NLRP1: variants seen among roughly 807,000 people sequenced by gnomAD.
NLRP1 encodes the protein NACHT, LRR and PYD domains-containing protein 1.
In NLRP1, 94 loss-of-function variants were observed where a neutral mutation model predicts 136.7. The observed-to-expected ratio is 0.69, with a 90% CI of 0.58 to 0.82. The LOEUF is 0.82. NLRP1 is among the 40% of genes least tolerant of loss of function. NLRP1 has a pLI of 0.00. For missense variants in NLRP1, 1,575 were observed against 1,802.7 expected, an observed-to-expected ratio of 0.87 and a Z score of 2.29; for synonymous variants, 690 against 725.1, an observed-to-expected ratio of 0.95 and a Z score of 0.78.
At chr17:5,550,935 T>C (rs1425140490) in intron 5 of NLRP1, among the ~76,000 whole-genome samples, 3 of 152,120 alleles carry the variant, frequency 2.0e-5, no homozygotes, top group Admixed American at 1.3e-4. Context: ...TCCCATATAC[T>C]CCCTGTCCCC....
At chr17:5,558,254 T>A (rs1914317722) in intron 4 of NLRP1, 85 bp downstream of exon 4, 1 of 1,451,044 alleles carries the variant, frequency 6.9e-7, no homozygotes, top group Admixed American at 2.2e-5. Context: ...CCGGCCAGGC[T>A]CAGTGAGCAT....
chr17:5,530,091 T>C (rs569093401), intron 12 of NLRP1: 9 of 459,236 alleles, frequency 2.0e-5, no homozygotes, highest in South Asian at 1.4e-4. Context: ...CTATTGTTGC[T>C]AGTCCCTGTT....
rs778982758 is a variant in NLRP1 at position 5,532,803 on chromosome 17, G to T, written c.3296+19C>A. 1.2e-5 allele frequency: 19 copies of T among 1,576,600 alleles called. No homozygotes were observed. Among genetic ancestry groups the T allele is most frequent in the Non-Finnish European group, 1.6e-5 (19 of 1,163,256 alleles). On this transcript the variant is annotated intron_variant, in intron 11 of 16. Transcript: ENST00000572272. ...GGTGCGGGAGGCCAGCCTGGGACCA[G>T]CAGAGCCCCCTCACTCACCGGTACA... is the stretch of plus-strand genomic sequence containing the variant.
chr17:5,501,788 T>C lies in NLRP1; in HGVS notation c.*26A>G, dbSNP rs201762229. 487 of 1,606,170 alleles carry C rather than the reference T, an allele frequency of 3.0e-4. 1 individual carries two copies. The highest frequency in any genetic ancestry group is 3.6e-4 in the Non-Finnish European group (422 of 1,173,280). On this transcript the variant is annotated 3_prime_UTR_variant, in exon 16 of 16. Transcript: ENST00000262467. ...ATCCACCAAGCCCTCTCTGGCTTCA[T>C]TGGTACTGCCGCAGGCTGCTGGGCA...
At chr17:5,549,915 G>C (rs1012559133) in intron 5 of NLRP1, among the ~76,000 whole-genome samples, 16 of 152,182 alleles carry the variant, frequency 1.1e-4, no homozygotes, top group African/African-American at 3.9e-4. Flanking sequence ...AAAAGGTGTT[G>C]AGGGTTTGTC....
chr17:5,534,861 G>A (rs919053258), intron 8 of NLRP1, among the ~76,000 whole-genome samples: 15 of 152,126 alleles, frequency 9.9e-5, no homozygotes, highest in Non-Finnish European at 2.9e-5. Context: ...ACTTTTTCCT[G>A]GCTCACTGAC....
Position 5,559,587 on chromosome 17 carries a change from C to A in NLRP1, c.1109G>T (p.Arg370Ile). Residue 370 changes from arginine (R) to isoleucine (I), a missense_variant, in exon 4 of 17, where the codon AGA becomes ATA. Arg to Ile is a moderately conservative substitution (Grantham distance 97). Transcript: ENST00000572272. Reference protein sequence around the residue: ...RFQHVFYFSCRELAQSKVVSL... With the variant: ...RFQHVFYFSCIELAQSKVVSL... ...CACCACCTTGGACTGGGCCAGCTCT[C>A]TGCAGCTGAAGTAGAAGACATGCTG... 1 of 1,614,242 alleles carries A rather than the reference C, an allele frequency of 6.2e-7. No individual in the cohort carries two copies. The highest frequency in any genetic ancestry group is 8.5e-7 in the Non-Finnish European group (1 of 1,180,050).
At position 5,536,847 on chromosome 17, in the gene NLRP1, T is replaced by C; in HGVS notation, c.2960+4A>G. 6.2e-7 allele frequency: 1 copy of C among 1,608,154 alleles called. No individual in the cohort carries two copies. The highest frequency in any genetic ancestry group is 8.5e-7 in the Non-Finnish European group (1 of 1,174,694). ...GCCAGAGGGAGTTCTGGGTCCCCCC[T>C]TACCGTCTGCTGAAGATGAGCAGCT... On this transcript the variant is annotated splice_donor_region_variant and intron_variant, in intron 8 of 16. Coordinates refer to ENST00000572272, the MANE Select transcript of NLRP1 (RefSeq NM_033004.4).
intron 12 of NLRP1, among the ~76,000 whole-genome samples, chr17:5,528,761 T>A (rs568261592): frequency 1.3e-5 from 2 of 152,312 alleles, no homozygotes; most frequent in African/African-American, 4.8e-5. Context: ...ACTACTGGGA[T>A]GATACTACAA....
intron 5 of NLRP1, among the ~76,000 whole-genome samples, chr17:5,542,696 A>C (rs978924554): frequency 6.6e-6 from 1 of 151,644 alleles, no homozygotes; most frequent in African/African-American, 2.4e-5. Context: ...CTCCTTGAGG[A>C]AGGAATTTTG....
At chr17:5,569,055 C>T (rs1445337904) in intron 3 of NLRP1, among the ~76,000 whole-genome samples, 1 of 152,068 alleles carries the variant, frequency 6.6e-6, no homozygotes, top group Admixed American at 6.6e-5. Context: ...AAATAAGATC[C>T]TTTTCAGACA....
intron 8 of NLRP1, 144 bp downstream of exon 8, chr17:5,536,707 A>G (rs955407867): frequency 3.4e-6 from 2 of 589,298 alleles, no homozygotes; most frequent in African/African-American, 1.8e-5. Context: ...TTCTACTTGC[A>G]CTGACAAGTG....
intron 3 of NLRP1, among the ~76,000 whole-genome samples, chr17:5,564,787 G>C (rs1366636381): frequency 8.4e-5 from 12 of 142,032 alleles, no homozygotes; most frequent in Non-Finnish European, 1.5e-5. Context: ...GCCCAGGCTG[G>C]AGTGCAGTGG....
intron 15 of NLRP1, among the ~76,000 whole-genome samples, chr17:5,508,369 T>C (rs562908578): frequency 6.6e-6 from 1 of 152,336 alleles, no homozygotes; most frequent in South Asian, 2.1e-4. Flanking sequence ...TAGGCTGGCC[T>C]TGAACTCCTG....
intron 11 of NLRP1, among the ~76,000 whole-genome samples, chr17:5,531,363 A>T (rs147158334): frequency 5.0e-4 from 76 of 152,246 alleles, no homozygotes; most frequent in Admixed American, 2.5e-3. Context: ...CTACAGGTAC[A>T]TGTCACCACG....
downstream of NLRP1, among the ~76,000 whole-genome samples, chr17:5,511,307 C>T (rs1441991896): frequency 6.6e-6 from 1 of 152,048 alleles, no homozygotes; most frequent in Admixed American, 6.6e-5. Context: ...TGGTGGGCGC[C>T]TGTAATCCCA....
chr17:5,511,755 CTTTT>C (rs1315892950), downstream of NLRP1, among the ~76,000 whole-genome samples: 7 of 142,372 alleles, frequency 4.9e-5, no homozygotes, highest in South Asian at 4.8e-4. Flanking sequence ...TTTCTCTTTT[CTTTT>C]TCTTTCTCTT....
chr17:5,534,571 C>T (rs1327435432), intron 8 of NLRP1, among the ~76,000 whole-genome samples: 1 of 152,104 alleles, frequency 6.6e-6, no homozygotes, highest in Non-Finnish European at 1.5e-5. Flanking sequence ...TTTCTATTGT[C>T]TTCTCTCCAC....
chr17:5,506,188 G>A (rs1907325043), intron 15 of NLRP1, among the ~76,000 whole-genome samples: 1 of 151,784 alleles, frequency 6.6e-6, no homozygotes, highest in Non-Finnish European at 1.5e-5. Flanking sequence ...AGAGGCTGAG[G>A]CAGGAGAATC....
Sources: allele counts gnomAD v4.1 joint callset (sites outside exome capture counted in the v4.1 genomes callset), GRCh38; gene constraint gnomAD v4.1.1; transcripts MANE v1.5; gene names NCBI Gene and HGNC (gene_info 2026-07-23, HGNC 2026-07-21).